The following OXR1 variants were observed in gnomAD, a reference collection of about 807,000 sequenced individuals.
OXR1 encodes the protein oxidation resistance 1.
OXR1 carries 41 observed loss-of-function variants against 104.6 expected under a neutral mutation model. The ratio of observed to expected loss-of-function variants is 0.39; its 90% CI spans 0.31 to 0.51. The LOEUF (loss-of-function observed/expected upper bound fraction) is 0.51, where lower values mean the gene tolerates loss of function less well. Among genes scored for constraint, OXR1 ranks in the 20% least tolerant of loss-of-function variants. OXR1 has a pLI of 0.77. For missense variants in OXR1, 955 were observed against 1,031.9 expected (o/e 0.93, Z 1.02); for synonymous variants, 348 against 348.4 (o/e 1.00, Z 0.01).
intron 2 of OXR1, among the ~76,000 whole-genome samples, chr8:106,467,560 A>ATTGAGC (rs1272228858): frequency 2.0e-5 from 3 of 151,852 alleles, no homozygotes; most frequent in African/African-American, 7.2e-5. Flanking sequence ...ACAAAAGAAT[A>ATTGAGC]TTGAGCTTTA....
chr8:106,323,228 T>G, intron 1 of OXR1, among the ~76,000 whole-genome samples: 1 of 152,038 alleles, frequency 6.6e-6, no homozygotes, highest in Admixed American at 6.6e-5. Flanking sequence ...CAGAAAGAAG[T>G]CTGCACATCT....
chr8:106,403,788 A>T (rs182800071), intron 2 of OXR1, among the ~76,000 whole-genome samples: 2 of 152,166 alleles, frequency 1.3e-5, no homozygotes, highest in East Asian at 3.9e-4. Flanking sequence ...ATTATCCCAC[A>T]CCCTTAGTAT....
At chr8:106,378,772 G>C (rs894141256) in intron 2 of OXR1, among the ~76,000 whole-genome samples, 3 of 152,178 alleles carry the variant, frequency 2.0e-5, no homozygotes, top group Admixed American at 6.6e-5. Flanking sequence ...GCCTCCCAAA[G>C]TGTTGGGATT....
At chr8:106,306,096 A>G (rs927808613) in intron 1 of OXR1, among the ~76,000 whole-genome samples, 1 of 151,830 alleles carries the variant, frequency 6.6e-6, no homozygotes, top group African/African-American at 2.4e-5. Flanking sequence ...CTAGATTTTG[A>G]AGAGCCAGGG....
At chr8:106,639,499 A>G (rs551951744) in intron 3 of OXR1, among the ~76,000 whole-genome samples, 2 of 152,276 alleles carry the variant, frequency 1.3e-5, no homozygotes, top group African/African-American at 4.8e-5. Context: ...TGGCTCCCCA[A>G]AATATCACTG....
chr8:106,564,034 C>T (rs1234180251), intron 3 of OXR1, among the ~76,000 whole-genome samples: 4 of 152,030 alleles, frequency 2.6e-5, no homozygotes, highest in Admixed American at 2.6e-4. Context: ...CAGGAGAAAG[C>T]AGGAAAGACA....
chr8:106,367,495 G>C (rs1032776649), intron 2 of OXR1, among the ~76,000 whole-genome samples: 2 of 151,678 alleles, frequency 1.3e-5, no homozygotes, highest in Non-Finnish European at 2.9e-5. Flanking sequence ...TTCTAAACAG[G>C]CAGTATATTA....
intron 2 of OXR1, among the ~76,000 whole-genome samples, chr8:106,393,342 C>T (rs973583726): frequency 6.6e-6 from 1 of 152,104 alleles, no homozygotes; most frequent in Non-Finnish European, 1.5e-5. Context: ...CTACAGTGTG[C>T]CTGGACTCAG....
rs553245253 is a variant in OXR1, at chr8:106,531,412, A to G, written c.220+12273A>G. On this transcript the variant is annotated intron_variant, in intron 3 of 16. Transcript: ENST00000517566. ...GTATTTGCCTCCCTGCTGCATTTCA[A>G]TGTTCTCTATTTGCTAGGATTTGTA... is the stretch of plus-strand genomic sequence containing the variant. 1.6e-4 allele frequency among the ~76,000 whole-genome samples: 25 copies of G among 152,238 alleles called. No individual in the cohort carries two copies. The South Asian group carries it at 4.1e-3, about 25-fold the overall frequency.
At chr8:106,304,595 G>T (rs1436994730) in intron 1 of OXR1, among the ~76,000 whole-genome samples, 1 of 150,822 alleles carries the variant, frequency 6.6e-6, no homozygotes, top group Non-Finnish European at 1.5e-5. Context: ...CTAGCTCAAC[G>T]TGTCAAAAAT....
intron 3 of OXR1, among the ~76,000 whole-genome samples, chr8:106,557,113 G>T (rs922229630): frequency 9.9e-5 from 15 of 151,930 alleles, no homozygotes; most frequent in African/African-American, 3.6e-4. Context: ...CTTTGTGTTT[G>T]CTCTAATTGT....
chr8:106,555,931 C>T (rs1789971), intron 3 of OXR1, among the ~76,000 whole-genome samples: 134,427 of 145,728 alleles, frequency 0.92, 62,055 homozygotes, highest in East Asian at 1. Context: ...TATATATGTA[C>T]ATATATATAT....
chr8:106,532,220 T>G (rs192749287), intron 3 of OXR1, among the ~76,000 whole-genome samples: 6 of 152,334 alleles, frequency 3.9e-5, no homozygotes, highest in South Asian at 4.1e-4. Context: ...TATAGAGAGA[T>G]ATTTCTAGCA....
chr8:106,652,367 C>T (rs1393497771), intron 3 of OXR1, among the ~76,000 whole-genome samples: 1 of 151,966 alleles, frequency 6.6e-6, no homozygotes, highest in Non-Finnish European at 1.5e-5. Flanking sequence ...AGACTATAAA[C>T]TAGGCCATAA....
intron 15 of OXR1, among the ~76,000 whole-genome samples, chr8:106,744,891 A>G (rs1280439677): frequency 1.3e-5 from 2 of 152,206 alleles, no homozygotes; most frequent in Admixed American, 6.5e-5. Flanking sequence ...GCAAATTTGT[A>G]CTTAACTAGC....
chr8:106,678,583 G>A (rs1827830254), intron 3 of OXR1, among the ~76,000 whole-genome samples: 1 of 151,828 alleles, frequency 6.6e-6, no homozygotes, highest in Non-Finnish European at 1.5e-5. Context: ...AAGCAGTTTC[G>A]CTAATCTTGA....
intron 1 of OXR1, among the ~76,000 whole-genome samples, chr8:106,294,534 A>AG (rs1204635080): frequency 6.6e-6 from 1 of 152,102 alleles, no homozygotes; most frequent in African/African-American, 2.4e-5. Context: ...GGGAGGACTC[A>AG]GGAAGCTTAC....
At chr8:106,604,544 T>C (rs1040315760) in intron 3 of OXR1, among the ~76,000 whole-genome samples, 1 of 152,238 alleles carries the variant, frequency 6.6e-6, no homozygotes, top group African/African-American at 2.4e-5. Context: ...AAAGCACTGC[T>C]TTTGAACTCT....
intron 3 of OXR1, among the ~76,000 whole-genome samples, chr8:106,676,467 G>A (rs1311591972): frequency 6.6e-6 from 1 of 151,826 alleles, no homozygotes; most frequent in Non-Finnish European, 1.5e-5. Context: ...CATATTTTAG[G>A]GTTCTTTTAA....
Sources: gnomAD v4.1 joint callset for allele counts (sites outside exome capture counted in the v4.1 genomes callset) on GRCh38, gnomAD v4.1.1 for gene constraint, MANE v1.5 for transcripts, NCBI Gene and HGNC (gene_info 2026-07-23, HGNC 2026-07-21) for gene names.